SLC25A13: variants seen among roughly 807,000 people sequenced by gnomAD.
SLC25A13 encodes solute carrier family 25 member 13, also known as electrogenic aspartate/glutamate antiporter SLC25A13, mitochondrial.
Under a neutral mutation model 85.5 loss-of-function variants are expected in SLC25A13, and 70 were observed. The ratio of observed to expected loss-of-function variants is 0.82; its 90% CI spans 0.68 to 1.00. SLC25A13 has a LOEUF of 1.00. SLC25A13 is among the 50% of genes least tolerant of loss of function. The probability of loss-of-function intolerance (pLI) is 0.00; values close to 1 mark genes in which losing one functional copy is unlikely to be tolerated. For missense variants in SLC25A13, 765 were observed against 819.8 expected, an observed-to-expected ratio of 0.93 and a Z score of 0.82; for synonymous variants, 259 against 288.7, an observed-to-expected ratio of 0.90 and a Z score of 1.04.
rs557575818 is a variant in SLC25A13 at position 96,193,029 on chromosome 7, C to T, written c.615+8G>A. On this transcript the variant is annotated splice_region_variant and intron_variant, in intron 6 of 17. Transcript: ENST00000265631. ...TAAACCACTTCATTAGGGCAAGTTACAACTTACAGCTACTAGACATTCTTC... is the reference window on the plus strand; with the variant it reads ...TAAACCACTTCATTAGGGCAAGTTATAACTTACAGCTACTAGACATTCTTC... 53 of 1,613,756 alleles carry T rather than the reference C, an allele frequency of 3.3e-5. No homozygotes were observed. The highest frequency in any genetic ancestry group is 1.7e-4 in the Middle Eastern group (1 of 6,060).
chr7:96,174,497 ATACGCCTGTTTAAAC>A (rs1364637089), intron 11 of SLC25A13, among the ~76,000 whole-genome samples: 6 of 152,254 alleles, frequency 3.9e-5, no homozygotes, highest in African/African-American at 1.4e-4. Context: ...ATATGTGGGC[ATACGCCTGTTTAAAC>A]TACCTCTTCA....
At chr7:96,149,877 C>T (rs189943373) in intron 13 of SLC25A13, among the ~76,000 whole-genome samples, 6 of 152,284 alleles carry the variant, frequency 3.9e-5, no homozygotes, top group South Asian at 2.1e-4. Flanking sequence ...ATAGCTGAAT[C>T]GGCAGACAAT....
chr7:96,266,004 C>T (rs990460118), intron 3 of SLC25A13, among the ~76,000 whole-genome samples: 2 of 152,168 alleles, frequency 1.3e-5, no homozygotes. Flanking sequence ...AATCACCTCC[C>T]CAAAGTTCTA....
intron 3 of SLC25A13, among the ~76,000 whole-genome samples, chr7:96,276,655 G>A (rs1359375161): frequency 6.6e-6 from 1 of 152,026 alleles, no homozygotes; most frequent in African/African-American, 2.4e-5. Flanking sequence ...CCAACAAAAT[G>A]GAAGCAGAGA....
chr7:96,185,736 A>G (rs1272524290), intron 9 of SLC25A13, among the ~76,000 whole-genome samples: 2 of 151,772 alleles, frequency 1.3e-5, no homozygotes, highest in Non-Finnish European at 2.9e-5. Context: ...TAAAAATACA[A>G]AAAAAAGAAA....
intron 13 of SLC25A13, among the ~76,000 whole-genome samples, chr7:96,168,423 T>C (rs1562810418): frequency 6.6e-6 from 1 of 152,156 alleles, no homozygotes; most frequent in African/African-American, 2.4e-5. Flanking sequence ...TAGATCAGGT[T>C]TGAAAAGGGC....
intron 3 of SLC25A13, among the ~76,000 whole-genome samples, chr7:96,253,536 T>G (rs1478555952): frequency 6.6e-6 from 1 of 152,212 alleles, no homozygotes; most frequent in Non-Finnish European, 1.5e-5. Context: ...TTTTTTTGAC[T>G]GCTATCAGTG....
chr7:96,256,998 A>G (rs1011399148), intron 3 of SLC25A13, among the ~76,000 whole-genome samples: 3 of 152,228 alleles, frequency 2.0e-5, no homozygotes, highest in East Asian at 1.9e-4. Flanking sequence ...GCAGAAATAA[A>G]TAAGTTCTTT....
chr7:96,244,244 C>T (rs1036520485), intron 3 of SLC25A13, among the ~76,000 whole-genome samples: 1 of 152,156 alleles, frequency 6.6e-6, no homozygotes, highest in Non-Finnish European at 1.5e-5. Flanking sequence ...ATGGCAGTCA[C>T]AGGCACAGAC....
At chr7:96,226,046 G>C (rs1487485959) in intron 4 of SLC25A13, among the ~76,000 whole-genome samples, 1 of 151,480 alleles carries the variant, frequency 6.6e-6, no homozygotes, top group East Asian at 1.9e-4. Context: ...CTTAACATGA[G>C]ATCTACCCTT....
At chr7:96,126,063 T>C (rs897006675) in intron 15 of SLC25A13, among the ~76,000 whole-genome samples, 2 of 152,166 alleles carry the variant, frequency 1.3e-5, no homozygotes, top group African/African-American at 4.8e-5. Flanking sequence ...TTGATATTAT[T>C]CAAGTTCAAA....
chr7:96,288,510 C>G (rs1199842808), intron 2 of SLC25A13, among the ~76,000 whole-genome samples: 2 of 152,202 alleles, frequency 1.3e-5, no homozygotes, highest in African/African-American at 2.4e-5. Flanking sequence ...CAGGGAATTC[C>G]CTTTCCTAGC....
intron 7 of SLC25A13, among the ~76,000 whole-genome samples, chr7:96,190,077 T>A (rs2116651220): frequency 6.6e-6 from 1 of 151,114 alleles, no homozygotes; most frequent in Non-Finnish European, 1.5e-5. Flanking sequence ...CCTAAGGGAA[T>A]TCTGATTTTT....
chr7:96,264,712 A>G (rs1797984236), intron 3 of SLC25A13, among the ~76,000 whole-genome samples: 1 of 151,392 alleles, frequency 6.6e-6, no homozygotes, highest in Non-Finnish European at 1.5e-5. Flanking sequence ...AAAGAACTAT[A>G]CCTTTTTTTT....
chr7:96,318,252 A>G (rs184620611), intron 1 of SLC25A13, among the ~76,000 whole-genome samples: 1 of 152,352 alleles, frequency 6.6e-6, no homozygotes, highest in Admixed American at 6.5e-5. Flanking sequence ...TAGTAGGTTC[A>G]TATAGGTTAA....
At chr7:96,177,913 C>A (rs1794286980) in intron 11 of SLC25A13, among the ~76,000 whole-genome samples, 2 of 152,174 alleles carry the variant, frequency 1.3e-5, no homozygotes, top group Admixed American at 1.3e-4. Context: ...AACAGACTTA[C>A]TGCTCCAAGT....
chr7:96,188,326 G>A (rs1794714669), intron 9 of SLC25A13, among the ~76,000 whole-genome samples: 1 of 152,176 alleles, frequency 6.6e-6, no homozygotes, highest in African/African-American at 2.4e-5. Flanking sequence ...CCACTACTTT[G>A]ACTTGCATGC....
rs189358779 is a variant in SLC25A13 at position 96,296,119 on chromosome 7, T to C, written c.69+779A>G. 5.3e-5 allele frequency among the ~76,000 whole-genome samples: 8 copies of C among 152,016 alleles called. No individual in the cohort carries two copies. In the East Asian group the frequency reaches 1.4e-3, roughly 26 times the overall value. On this transcript the variant is annotated intron_variant, in intron 2 of 17. Coordinates refer to ENST00000265631, the MANE Select transcript of SLC25A13 (RefSeq NM_014251.3). ...GTCTGTTGTGCTCTAGTATCTAGTA[T>C]TATCCATACTGGAGCCTCCTCTCAG...
intron 11 of SLC25A13, among the ~76,000 whole-genome samples, chr7:96,171,923 C>A (rs543772812): frequency 2.0e-5 from 3 of 152,210 alleles, no homozygotes; most frequent in South Asian, 4.1e-4. Context: ...TAAAAAATGT[C>A]ATCATTTTCA....
Sources: allele counts gnomAD v4.1 joint callset (sites outside exome capture counted in the v4.1 genomes callset), GRCh38; gene constraint gnomAD v4.1.1; transcripts MANE v1.5; gene names NCBI Gene and HGNC (gene_info 2026-07-23, HGNC 2026-07-21).